Variants in SNX3 observed in about 807,000 individuals in gnomAD.
SNX3 encodes the protein sorting nexin 3, also known as sorting nexin-3.
SNX3 carries 5 observed loss-of-function variants against 17.7 expected under a neutral mutation model. The observed-to-expected ratio is 0.28, with a 90% CI of 0.15 to 0.59. The LOEUF (loss-of-function observed/expected upper bound fraction) is 0.59, where lower values mean the gene tolerates loss of function less well. SNX3 is among the 20% of genes least tolerant of loss of function. SNX3 has a pLI of 0.88. For synonymous variants in SNX3, 91 were observed against 76.5 expected (o/e 1.19, Z -0.99); for missense variants, 132 against 206.8 (o/e 0.64, Z 2.22).
chr6:108,223,086 G>A, intron 1 of SNX3, 41 bp from the exon 2 acceptor site: 1 of 1,126,220 alleles, frequency 8.9e-7, no homozygotes, highest in East Asian at 2.4e-5. Flanking sequence ...AGCACATTAA[G>A]GAAACTTCAA....
chr6:108,257,499 C>T (rs903622683), intron 1 of SNX3, among the ~76,000 whole-genome samples: 5 of 151,896 alleles, frequency 3.3e-5, no homozygotes, highest in African/African-American at 7.3e-5. Flanking sequence ...GGCTACAGAA[C>T]GAGACTCTTA....
chr6:108,234,326 G>A (rs1159838714), intron 1 of SNX3, among the ~76,000 whole-genome samples: 11 of 152,064 alleles, frequency 7.2e-5, no homozygotes, highest in African/African-American at 2.7e-4. Flanking sequence ...GCCGAGGCGG[G>A]TGGATCACCT....
chr6:108,230,094 C>T (rs1041253987), intron 1 of SNX3, among the ~76,000 whole-genome samples: 1 of 151,494 alleles, frequency 6.6e-6, no homozygotes, highest in African/African-American at 2.4e-5. Context: ...GCAAAAATCC[C>T]TTAAAGGTTT....
At chr6:108,233,323 T>C (rs1775226999) in intron 1 of SNX3, among the ~76,000 whole-genome samples, 1 of 152,208 alleles carries the variant, frequency 6.6e-6, no homozygotes, top group African/African-American at 2.4e-5. Flanking sequence ...AGGCTTATGC[T>C]GAAATAAAAC....
intron 1 of SNX3, among the ~76,000 whole-genome samples, chr6:108,237,520 T>C (rs906637141): frequency 8.5e-5 from 13 of 152,206 alleles, no homozygotes; most frequent in African/African-American, 2.9e-4. Context: ...GTGCGGTGGC[T>C]CACGCCTGTA....
intron 1 of SNX3, among the ~76,000 whole-genome samples, chr6:108,238,480 G>A (rs1775420446): frequency 6.6e-6 from 1 of 152,016 alleles, no homozygotes; most frequent in Non-Finnish European, 1.5e-5. Flanking sequence ...AAGTGTTCAT[G>A]AGAGCCAGGT....
At chr6:108,223,087 GA>G in intron 1 of SNX3, 42 bp from the exon 2 acceptor site, 1 of 1,111,772 alleles carries the variant, frequency 9.0e-7, no homozygotes, top group Non-Finnish European at 1.3e-6. Context: ...GCACATTAAG[GA>G]AACTTCAAAA....
intron 2 of SNX3, among the ~76,000 whole-genome samples, chr6:108,216,271 T>C (rs1338694343): frequency 6.6e-6 from 1 of 152,202 alleles, no homozygotes; most frequent in Non-Finnish European, 1.5e-5. Flanking sequence ...GTGGAGATGG[T>C]GTTTCACTGT....
At chr6:108,252,477 TTAG>T (rs1277213744) in intron 1 of SNX3, 1 of 152,370 alleles carries the variant, frequency 6.6e-6, no homozygotes, top group Non-Finnish European at 1.5e-5. Context: ...TGGTTAGTAC[TTAG>T]AAGGGAGAAA....
At chr6:108,213,783 C>G (rs557754820) in intron 3 of SNX3, among the ~76,000 whole-genome samples, 1 of 152,222 alleles carries the variant, frequency 6.6e-6, no homozygotes, top group African/African-American at 2.4e-5. Flanking sequence ...GTTTACCACT[C>G]ATGGATCTTC....
intron 1 of SNX3, among the ~76,000 whole-genome samples, chr6:108,226,435 T>C (rs1774976686): frequency 6.6e-6 from 1 of 152,200 alleles, no homozygotes; most frequent in Non-Finnish European, 1.5e-5. Flanking sequence ...TGACTTAACA[T>C]AATAACTAAT....
intron 1 of SNX3, among the ~76,000 whole-genome samples, chr6:108,255,010 A>G (rs938456348): frequency 6.6e-6 from 1 of 152,214 alleles, no homozygotes; most frequent in Admixed American, 6.5e-5. Context: ...CTGCTTGGTT[A>G]CCTCAAGATT....
At chr6:108,244,556 T>C (rs1003249119) in intron 1 of SNX3, among the ~76,000 whole-genome samples, 3 of 151,502 alleles carry the variant, frequency 2.0e-5, no homozygotes, top group Non-Finnish European at 4.4e-5. Flanking sequence ...TGGCATTAAG[T>C]AAATCCATAT....
chr6:108,220,037 A>G (rs535664584), intron 2 of SNX3, among the ~76,000 whole-genome samples: 87 of 152,234 alleles, frequency 5.7e-4, no homozygotes, highest in Non-Finnish European at 1.2e-3. Flanking sequence ...AAAAGCTTAT[A>G]GAATAAGAAT....
intron 2 of SNX3, among the ~76,000 whole-genome samples, chr6:108,219,258 A>C (rs1465210357): frequency 2.6e-5 from 4 of 152,206 alleles, no homozygotes; most frequent in Admixed American, 1.3e-4. Flanking sequence ...ACGTTTATTA[A>C]ACATTTCCAG....
rs1554262198 is a variant in SNX3 at position 108,236,322 on chromosome 6, C to CTCTA, written c.163-13278_163-13277insTAGA. ...AACAAGCAAGACCCTGTCTCTCTCT[C>CTCTA]TACCTCTCTTTATATATATATATAT... On this transcript the variant is annotated intron_variant, in intron 1 of 3. Transcript: ENST00000230085. 5.3e-5 allele frequency among the ~76,000 whole-genome samples: 8 copies of CTCTA among 150,362 alleles called. No homozygotes were observed. In the South Asian group the frequency reaches 1.5e-3, roughly 28 times the overall value.
At chr6:108,222,634 C>G (rs1774830550) in intron 2 of SNX3, among the ~76,000 whole-genome samples, 1 of 151,926 alleles carries the variant, frequency 6.6e-6, no homozygotes, top group African/African-American at 2.4e-5. Flanking sequence ...GGAAGAGAAA[C>G]TTGGCTTAAG....
intron 1 of SNX3, among the ~76,000 whole-genome samples, chr6:108,246,456 C>T (rs904708469): frequency 1.3e-5 from 2 of 149,454 alleles, no homozygotes; most frequent in Non-Finnish European, 3.0e-5. Context: ...TCCCGACTAG[C>T]TGGGATTACA....
intron 1 of SNX3, among the ~76,000 whole-genome samples, chr6:108,247,620 G>T (rs1449403179): frequency 6.6e-6 from 1 of 152,010 alleles, no homozygotes; most frequent in African/African-American, 2.4e-5. Context: ...GGGCTCAAGT[G>T]ATCTTCCCAC....
Sources: gnomAD v4.1 joint callset for allele counts (sites outside exome capture counted in the v4.1 genomes callset) on GRCh38, gnomAD v4.1.1 for gene constraint, MANE v1.5 for transcripts, NCBI Gene and HGNC (gene_info 2026-07-23, HGNC 2026-07-21) for gene names.